The following NEGR1 variants were observed in gnomAD, a reference collection of about 807,000 sequenced individuals.
NEGR1 encodes neuronal growth regulator 1.
Under a neutral mutation model 40.9 loss-of-function variants are expected in NEGR1, and 10 were observed. The observed-to-expected ratio is 0.24, with a 90% CI of 0.15 to 0.42. NEGR1 has a LOEUF of 0.42. Among genes scored for constraint, NEGR1 ranks in the 10% least tolerant of loss-of-function variants. The pLI is 1.00. For synonymous variants in NEGR1, 185 were observed against 166.8 expected (o/e 1.11, Z -0.84); for missense variants, 352 against 438.9 (o/e 0.80, Z 1.77).
At chr1:72,184,633 C>T (rs757037758) in intron 1 of NEGR1, among the ~76,000 whole-genome samples, 4 of 151,886 alleles carry the variant, frequency 2.6e-5, no homozygotes, top group Non-Finnish European at 4.4e-5. Flanking sequence ...ACAATTCACT[C>T]AAAATTTTAG....
chr1:71,972,065 C>CA (rs1479359241), intron 1 of NEGR1, among the ~76,000 whole-genome samples: 2 of 152,240 alleles, frequency 1.3e-5, no homozygotes, highest in Non-Finnish European at 2.9e-5. Context: ...ATCTCAGAAA[C>CA]ATGCAGTGTA....
At chr1:71,495,678 G>A (rs377414395) in intron 6 of NEGR1, among the ~76,000 whole-genome samples, 2 of 151,928 alleles carry the variant, frequency 1.3e-5, no homozygotes, top group Admixed American at 6.6e-5. Context: ...TTTGGATTTG[G>A]GTACCATGGA....
chr1:71,943,818 G>A (rs924727453), intron 1 of NEGR1, among the ~76,000 whole-genome samples: 2 of 152,120 alleles, frequency 1.3e-5, no homozygotes, highest in Non-Finnish European at 2.9e-5. Flanking sequence ...TTTTTTAAAT[G>A]TATGATCTCA....
chr1:72,271,810 G>C (rs185964208), intron 1 of NEGR1, among the ~76,000 whole-genome samples: 2 of 151,780 alleles, frequency 1.3e-5, no homozygotes, highest in East Asian at 1.9e-4. Context: ...CATGAGAGGC[G>C]GTCTTTCCCA....
At chr1:72,275,038 G>T in intron 1 of NEGR1, 1 of 1,512,734 alleles carries the variant, frequency 6.6e-7, no homozygotes, top group Non-Finnish European at 9.2e-7. Context: ...ACCAGCTTTG[G>T]AGCTCTTGGA....
At chr1:71,639,164 A>G (rs12061960) in intron 4 of NEGR1, among the ~76,000 whole-genome samples, 5,491 of 151,118 alleles carry the variant, frequency 0.036, 132 homozygotes, top group African/African-American at 0.072. Flanking sequence ...CCATCCTTGC[A>G]TAGAATACTT....
At chr1:72,051,087 G>A (rs941892895) in intron 1 of NEGR1, among the ~76,000 whole-genome samples, 2 of 151,278 alleles carry the variant, frequency 1.3e-5, no homozygotes, top group Non-Finnish European at 3.0e-5. Flanking sequence ...TTTTGCCTTT[G>A]CTTGTTATGT....
rs114600876 is a variant in NEGR1 at position 72,254,212 on chromosome 1, C to T, written c.176+28107G>A. Among the ~76,000 whole-genome samples, 1,363 of 152,214 alleles carry T rather than the reference C, an allele frequency of 9.0e-3. 27 individuals carry two copies. Among genetic ancestry groups the T allele is most frequent in the African/African-American group, 0.031 (1,301 of 41,524 alleles). On this transcript the variant is annotated intron_variant, in intron 1 of 6. Transcript: ENST00000357731. Reference sequence around the variant, plus strand: ...TATTATGTAGTACACTAATATCTTTCGTAGGTGTATTTATGGCTGCTACAA... The same window carrying T: ...TATTATGTAGTACACTAATATCTTTTGTAGGTGTATTTATGGCTGCTACAA...
At chr1:72,181,676 C>T (rs532709403) in intron 1 of NEGR1, among the ~76,000 whole-genome samples, 8 of 152,114 alleles carry the variant, frequency 5.3e-5, no homozygotes, top group Admixed American at 3.3e-4. Flanking sequence ...GCAACCTAGG[C>T]GTCTGTGGAT....
chr1:71,775,346 C>CTT (rs11290277), intron 3 of NEGR1, among the ~76,000 whole-genome samples: 5 of 131,522 alleles, frequency 3.8e-5, no homozygotes, highest in East Asian at 2.3e-4. Context: ...TATTCTTTAA[C>CTT]TTTTTTTTTT....
intron 4 of NEGR1, among the ~76,000 whole-genome samples, chr1:71,649,913 C>A (rs939018469): frequency 1.3e-5 from 2 of 151,904 alleles, no homozygotes; most frequent in African/African-American, 4.8e-5. Flanking sequence ...ATGGGATTGG[C>A]AAAGGATGAA....
chr1:72,217,910 C>A (rs1416749721), intron 1 of NEGR1, among the ~76,000 whole-genome samples: 1 of 151,702 alleles, frequency 6.6e-6, no homozygotes. Context: ...ATATCTCCAA[C>A]TAAGAAAGAT....
chr1:71,860,196 T>G (rs61765278), intron 2 of NEGR1, among the ~76,000 whole-genome samples: 1 of 119,810 alleles, frequency 8.3e-6, no homozygotes, highest in South Asian at 2.6e-4. Flanking sequence ...ATTCTCATCA[T>G]TTAAAAAAAA....
intron 6 of NEGR1, among the ~76,000 whole-genome samples, chr1:71,555,575 C>T (rs186737528): frequency 7.0e-4 from 106 of 151,720 alleles, no homozygotes; most frequent in African/African-American, 2.5e-3. Context: ...GATAAGAGCA[C>T]TGCTGAGTAT....
chr1:71,785,708 G>T (rs938754046), intron 2 of NEGR1, among the ~76,000 whole-genome samples: 1 of 152,156 alleles, frequency 6.6e-6, no homozygotes, highest in African/African-American at 2.4e-5. Context: ...AGAGGAAACA[G>T]CCCAGCTGTG....
chr1:71,611,518 C>A (rs1469383800), intron 4 of NEGR1, among the ~76,000 whole-genome samples: 1 of 152,172 alleles, frequency 6.6e-6, no homozygotes, highest in Non-Finnish European at 1.5e-5. Flanking sequence ...GGGCTAGGTG[C>A]TTTACATTCT....
At chr1:71,863,858 A>T (rs777147034) in intron 2 of NEGR1, among the ~76,000 whole-genome samples, 3 of 152,142 alleles carry the variant, frequency 2.0e-5, no homozygotes, top group Non-Finnish European at 2.9e-5. Flanking sequence ...TATTAATAGA[A>T]TATTAAAATA....
At chr1:71,991,234 T>A (rs560329485) in intron 1 of NEGR1, among the ~76,000 whole-genome samples, 1 of 152,252 alleles carries the variant, frequency 6.6e-6, no homozygotes, top group African/African-American at 2.4e-5. Context: ...ACTCCTCTGT[T>A]ACAGTTAGCT....
chr1:72,247,927 G>C (rs1654953898), intron 1 of NEGR1, among the ~76,000 whole-genome samples: 1 of 152,090 alleles, frequency 6.6e-6, no homozygotes, highest in Non-Finnish European at 1.5e-5. Context: ...TTCTGGGGAG[G>C]CATCGGGAAG....
Sources: gnomAD v4.1 joint callset for allele counts (sites outside exome capture counted in the v4.1 genomes callset) on GRCh38, gnomAD v4.1.1 for gene constraint, MANE v1.5 for transcripts, NCBI Gene and HGNC (gene_info 2026-07-23, HGNC 2026-07-21) for gene names.